The following FGD4 variants were observed in gnomAD, a reference collection of about 807,000 sequenced individuals.
FGD4 encodes FYVE, RhoGEF and PH domain-containing protein 4.
A neutral mutation model predicts 102.0 loss-of-function variants in FGD4; 42 were observed. That is an observed-to-expected ratio of 0.41 (90% confidence interval 0.32 to 0.53). The LOEUF is 0.53. Among genes scored for constraint, FGD4 ranks in the 20% least tolerant of loss-of-function variants. The pLI is 0.21. For synonymous variants in FGD4, 380 were observed against 375.7 expected (o/e 1.01, Z -0.13); for missense variants, 902 against 1,078.2 (o/e 0.84, Z 2.29).
At chr12:32,446,898 G>T (rs1942631661) in intron 1 of FGD4, among the ~76,000 whole-genome samples, 1 of 152,188 alleles carries the variant, frequency 6.6e-6, no homozygotes, top group African/African-American at 2.4e-5. Context: ...TTTAGCAGTG[G>T]TGCAATGAGG....
chr12:32,406,230 C>G (rs369704002), intron 1 of FGD4, among the ~76,000 whole-genome samples: 6 of 152,092 alleles, frequency 3.9e-5, no homozygotes, highest in Non-Finnish European at 8.8e-5. Flanking sequence ...GCGTGAGCCA[C>G]TGTGCCCAGC....
At chr12:32,563,977 A>C (rs1944950068) in intron 1 of FGD4, among the ~76,000 whole-genome samples, 160 bp from the exon 2 acceptor site, 1 of 132,952 alleles carries the variant, frequency 7.5e-6, no homozygotes, top group Non-Finnish European at 1.6e-5. Context: ...GCTCGGCATC[A>C]GAGGGAGACC....
At chr12:32,599,478 G>T in intron 5 of FGD4, among the ~76,000 whole-genome samples, 1 of 60,550 alleles carries the variant, frequency 1.7e-5, no homozygotes, top group Non-Finnish European at 3.1e-5. Context: ...CTGGGTGACA[G>T]AGCGAGACTC....
At chr12:32,489,094 C>A (rs1944008821) in intron 1 of FGD4, among the ~76,000 whole-genome samples, 1 of 152,126 alleles carries the variant, frequency 6.6e-6, no homozygotes, top group East Asian at 1.9e-4. Flanking sequence ...CCTTCGTTTT[C>A]TTTTCTTTGT....
rs760087704 is a variant in FGD4, at chr12:32,582,099, G to A, written c.643G>A (p.Asp215Asn). 3.7e-6 allele frequency: 6 copies of A among 1,614,202 alleles called. No homozygotes were observed. Among genetic ancestry groups the A allele is most frequent in the Non-Finnish European group, 5.1e-6 (6 of 1,180,040 alleles). The change falls in exon 4 of 17, where the codon GAT becomes AAT. Residue 215 changes from aspartate (D) to asparagine (N), a missense_variant. Physicochemically the swap from Asp to Asn is conservative, Grantham distance 23. Coordinates refer to ENST00000534526, the MANE Select transcript of FGD4 (RefSeq NM_001370298.3). ...GCACTTGCCACAGAGGCAGGGAAATGATACAGATAAGACTCAGGGTGCACA... is the reference window on the plus strand; with the variant it reads ...GCACTTGCCACAGAGGCAGGGAAATAATACAGATAAGACTCAGGGTGCACA... ...SQHLPQRQGN[D>N]TDKTQGAQTC...
intron 1 of FGD4, among the ~76,000 whole-genome samples, chr12:32,468,315 C>G (rs1263571547): frequency 1.3e-5 from 2 of 151,182 alleles, no homozygotes; most frequent in Non-Finnish European, 2.9e-5. Flanking sequence ...GTGTAACTTG[C>G]AAAAGAGTTG....
chr12:32,411,218 T>C (rs1175398163), intron 1 of FGD4, among the ~76,000 whole-genome samples: 1 of 151,498 alleles, frequency 6.6e-6, no homozygotes, highest in African/African-American at 2.4e-5. Context: ...TGTGAGCCAC[T>C]GCGCCCGGCC....
intron 10 of FGD4, among the ~76,000 whole-genome samples, chr12:32,613,033 A>C (rs1949243593): frequency 1.3e-5 from 2 of 152,242 alleles, no homozygotes; most frequent in East Asian, 1.9e-4. Context: ...GCATTGACAA[A>C]GAATAAGCTA....
chr12:32,505,294 C>T (rs2136640899), intron 1 of FGD4, among the ~76,000 whole-genome samples: 1 of 152,298 alleles, frequency 6.6e-6, no homozygotes, highest in East Asian at 1.9e-4. Flanking sequence ...TTGTATGCAT[C>T]AGCACAATTT....
chr12:32,576,478 C>G, intron 3 of FGD4, 29 bp downstream of exon 3: 1 of 1,612,474 alleles, frequency 6.2e-7, no homozygotes. Context: ...TGGGAGAAGG[C>G]AGGAGAAGAA....
At chr12:32,555,159 A>T (rs1386745801) in intron 1 of FGD4, among the ~76,000 whole-genome samples, 1 of 152,150 alleles carries the variant, frequency 6.6e-6, no homozygotes, top group East Asian at 1.9e-4. Flanking sequence ...TAGATGGTAA[A>T]ATCTGGAAAT....
chr12:32,481,219 A>G (rs1291120194), intron 1 of FGD4, among the ~76,000 whole-genome samples: 1 of 148,024 alleles, frequency 6.8e-6, no homozygotes, highest in African/African-American at 2.5e-5. Flanking sequence ...CGGTTGGATC[A>G]TGAGGTCAGG....
Position 32,619,875 on chromosome 12 carries a change from G to C in FGD4, c.1922+5G>C. 1 of 1,614,020 alleles carries C rather than the reference G, an allele frequency of 6.2e-7. No individual in the cohort carries two copies. The highest frequency in any genetic ancestry group is 1.3e-5 in the African/African-American group (1 of 75,024). ...AACACTGGAACTGCAGGCCAGGTAAGGGAACCATTTCTATCACACTGCTTT... is the reference window on the plus strand; with the variant it reads ...AACACTGGAACTGCAGGCCAGGTAACGGAACCATTTCTATCACACTGCTTT... On this transcript the variant is annotated splice_donor_5th_base_variant and intron_variant, in intron 11 of 16. Coordinates refer to ENST00000534526, the MANE Select transcript of FGD4 (RefSeq NM_001370298.3).
chr12:32,602,486 A>C (rs183229938), intron 7 of FGD4, among the ~76,000 whole-genome samples, 169 bp downstream of exon 7: 28 of 152,378 alleles, frequency 1.8e-4, no homozygotes, highest in Non-Finnish European at 3.2e-4. Flanking sequence ...CGTATCAGTC[A>C]CATGCTGCAT....
intron 1 of FGD4, among the ~76,000 whole-genome samples, chr12:32,495,211 A>G (rs1937721513): frequency 1.3e-5 from 2 of 152,052 alleles, no homozygotes; most frequent in South Asian, 4.1e-4. Context: ...GAAGGCCTCA[A>G]AGCTCAGAGA....
In FGD4 at chr12:32,644,888, C is replaced by CAAAAAAAAAA. The variant is rs35874340; in HGVS notation, c.*4360_*4369dup. 7.1e-6 allele frequency: 1 copy of CAAAAAAAAAA among 141,454 alleles called. No individual in the cohort carries two copies. Among genetic ancestry groups the CAAAAAAAAAA allele is most frequent in the African/African-American group, 2.6e-5 (1 of 38,974 alleles). The allele number at this position is 141,454 out of a possible 1,614,324, so 8.8% of individuals were successfully genotyped here. A position where few individuals can be genotyped will look rare whatever the true frequency, so the allele number is the denominator to read the frequency against. On this transcript the variant is annotated 3_prime_UTR_variant, in exon 17 of 17. Coordinates refer to ENST00000534526, the MANE Select transcript of FGD4 (RefSeq NM_001370298.3). The stretch of plus-strand genomic sequence containing the variant: ...TCATTTTCTGTACTGTTTACTGAGG[C>CAAAAAAAAAA]AAAAAAAAAAAAAATCTGAAGTCAA...
chr12:32,604,093 C>A lies in FGD4; in HGVS notation c.1404+1776C>A, dbSNP rs1048179909. The stretch of plus-strand genomic sequence containing the variant: ...CATTGATTGTATTGATACTCCCATG[C>A]GTGTGATGAGTCACTTTTCTCTTGC... On this transcript the variant is annotated intron_variant, in intron 7 of 16. Transcript: ENST00000534526. 2.6e-5 allele frequency among the ~76,000 whole-genome samples: 4 copies of A among 152,156 alleles called. No individual in the cohort carries two copies. The South Asian group carries it at 8.3e-4, about 31-fold the overall frequency.
chr12:32,496,916 C>G (rs575586162), intron 1 of FGD4, among the ~76,000 whole-genome samples: 11 of 151,974 alleles, frequency 7.2e-5, no homozygotes, highest in Admixed American at 4.6e-4. Context: ...AAAACAGTAA[C>G]AAACAATCTA....
intron 1 of FGD4, among the ~76,000 whole-genome samples, chr12:32,503,196 C>A (rs569261279): frequency 9.2e-5 from 14 of 152,250 alleles, no homozygotes; most frequent in African/African-American, 3.4e-4. Context: ...CTGGATACTT[C>A]TTTTGTGTAA....
Sources: allele counts gnomAD v4.1 joint callset (sites outside exome capture counted in the v4.1 genomes callset), GRCh38; gene constraint gnomAD v4.1.1; transcripts MANE v1.5; gene names NCBI Gene and HGNC (gene_info 2026-07-23, HGNC 2026-07-21).